Variants in CFDP1 observed in about 807,000 individuals in gnomAD.
CFDP1 encodes the protein chromatin remodeling protein CFDP1.
In CFDP1, 31 loss-of-function variants were observed where a neutral mutation model predicts 40.1. That is an observed-to-expected ratio of 0.77 (90% CI 0.58 to 1.04). The LOEUF (loss-of-function observed/expected upper bound fraction) is 1.04. Among genes scored for constraint, CFDP1 ranks in the 50% least tolerant of loss-of-function variants. CFDP1 has a pLI of 0.00. For missense variants in CFDP1, 423 were observed against 343.4 expected (o/e 1.23, Z -1.83); for synonymous variants, 167 against 120.0 (o/e 1.39, Z -2.56).
intron 5 of CFDP1, among the ~76,000 whole-genome samples, chr16:75,335,939 G>A (rs575231711): frequency 1.3e-5 from 2 of 152,034 alleles, no homozygotes; most frequent in African/African-American, 4.8e-5. Flanking sequence ...ATATAGTAGC[G>A]GTTCGACCTA....
intron 5 of CFDP1, among the ~76,000 whole-genome samples, chr16:75,349,736 T>C (rs1439460398): frequency 7.5e-6 from 1 of 133,466 alleles, no homozygotes; most frequent in Non-Finnish European, 1.5e-5. Context: ...ATATTGATCT[T>C]GTATCTTGTA....
chr16:75,379,103 T>C (rs147763037), intron 5 of CFDP1, among the ~76,000 whole-genome samples: 170 of 151,284 alleles, frequency 1.1e-3, no homozygotes, highest in Non-Finnish European at 1.7e-3. Context: ...GTGAGGGAAA[T>C]GTGTAGTAAG....
rs1329073243 is a variant in CFDP1 at position 75,396,452 on chromosome 16, T to C, written c.531-1243A>G. On this transcript the variant is annotated intron_variant, in intron 4 of 6. Transcript: ENST00000283882. ...TACTAGGGAGGCTGAGGCAGGAGAA[T>C]TGCCTGAACCCAGGAGGTGGAGGTT... Among the ~76,000 whole-genome samples, 2 of 103,060 alleles carry C rather than the reference T, an allele frequency of 1.9e-5. 1 individual carries two copies. Among genetic ancestry groups the C allele is most frequent in the Non-Finnish European group, 4.6e-5 (2 of 43,096 alleles). The allele number at this position is 103,060 out of a possible 152,430, so 67.6% of individuals were successfully genotyped here. A position where few individuals can be genotyped will look rare whatever the true frequency, so the allele number is the denominator to read the frequency against.
chr16:75,328,430 C>CAA (rs147289771), intron 5 of CFDP1, among the ~76,000 whole-genome samples: 76 of 135,654 alleles, frequency 5.6e-4, no homozygotes, highest in South Asian at 2.7e-3. Flanking sequence ...TCGAAAAATA[C>CAA]AAAAAAAAAA....
intron 5 of CFDP1, among the ~76,000 whole-genome samples, chr16:75,379,043 G>A (rs761402850): frequency 3.3e-5 from 5 of 151,514 alleles, no homozygotes; most frequent in Admixed American, 6.6e-5. Flanking sequence ...AATAATGAAC[G>A]GAATAAAATC....
rs1351448595 is a variant in CFDP1, at chr16:75,422,452, T to A, written c.65-7757A>T. Reference sequence around the variant, plus strand: ...TCTCGCTCTGTTGCCCAAGCTAGAGTGCAGTGGCATGATCTTGGCTCACTA... The same window carrying A: ...TCTCGCTCTGTTGCCCAAGCTAGAGAGCAGTGGCATGATCTTGGCTCACTA... On this transcript the variant is annotated intron_variant, in intron 1 of 6. Transcript: ENST00000283882. Among the ~76,000 whole-genome samples, 12 of 144,340 alleles carry A rather than the reference T, an allele frequency of 8.3e-5. No homozygotes were observed. In the East Asian group the frequency reaches 2.0e-3, roughly 24 times the overall value. 94.7% of individuals were successfully genotyped at this position (144,340 alleles called of 152,430 possible). A position where few individuals can be genotyped will look rare whatever the true frequency, so the allele number is the denominator to read the frequency against.
chr16:75,384,250 G>A (rs556210034), intron 5 of CFDP1, among the ~76,000 whole-genome samples: 2 of 152,182 alleles, frequency 1.3e-5, no homozygotes, highest in Admixed American at 1.3e-4. Flanking sequence ...CCAGCTACTT[G>A]GGAGGCTAAG....
chr16:75,426,167 A>G (rs2079341010), intron 1 of CFDP1, among the ~76,000 whole-genome samples: 1 of 151,214 alleles, frequency 6.6e-6, no homozygotes, highest in South Asian at 2.1e-4. Context: ...CCTGACCAAC[A>G]TGGAGAAACC....
Position 75,301,536 on chromosome 16 carries a change from C to CTTTTTTTTTTTTTTT in CFDP1, c.809+3473_809+3487dup, listed in dbSNP as rs546724752. On this transcript the variant is annotated intron_variant, in intron 6 of 6. Transcript: ENST00000283882. ...TCTCAACATTAGAGTTTTGTTGTGT[C>CTTTTTTTTTTTTTTT]TTTTTTTTTTTTTTTTTTTTTTTTT... Among the ~76,000 whole-genome samples, 9 of 53,966 alleles carry CTTTTTTTTTTTTTTT rather than the reference C, an allele frequency of 1.7e-4. 1 individual carries two copies. The highest frequency in any genetic ancestry group is 3.4e-4 in the African/African-American group (5 of 14,506). 35.4% of individuals were successfully genotyped at this position (53,966 alleles called of 152,430 possible). A position where few individuals can be genotyped will look rare whatever the true frequency, so the allele number is the denominator to read the frequency against.
At chr16:75,316,089 C>G (rs1488247502) in intron 5 of CFDP1, among the ~76,000 whole-genome samples, 1 of 144,378 alleles carries the variant, frequency 6.9e-6, no homozygotes, top group Non-Finnish European at 1.5e-5. Flanking sequence ...TGACTAGATT[C>G]AGGTTAAATA....
chr16:75,408,664 C>A (rs936555470), intron 4 of CFDP1, among the ~76,000 whole-genome samples: 2 of 151,536 alleles, frequency 1.3e-5, no homozygotes, highest in African/African-American at 4.9e-5. Context: ...TAATCCCAGC[C>A]ACTCGGGAGC....
Position 75,412,601 on chromosome 16 carries a change from T to C in CFDP1, c.336A>G (p.Glu112=). Residue 112 remains glutamate (E), a synonymous_variant, in exon 3 of 7, where the codon GAA becomes GAG. Coordinates refer to ENST00000283882, the MANE Select transcript of CFDP1 (RefSeq NM_006324.3). The part of the protein sequence containing the change: ...SEDARKKKED[E]LWASFLNDVG... ...CATCATTGAGGAAGCTGGCCCAGAG[T>C]TCGTCCTCCTTCTTTTTCCTGGCAT... 3.1e-6 allele frequency: 5 copies of C among 1,614,124 alleles called. No individual in the cohort carries two copies. The highest frequency in any genetic ancestry group is 4.2e-6 in the Non-Finnish European group (5 of 1,180,016).
At chr16:75,426,114 G>A (rs1449956397) in intron 1 of CFDP1, among the ~76,000 whole-genome samples, 2 of 150,350 alleles carry the variant, frequency 1.3e-5, no homozygotes, top group African/African-American at 4.9e-5. Context: ...ACTTTGGGAG[G>A]CCGAGGTGGG....
intron 6 of CFDP1, among the ~76,000 whole-genome samples, chr16:75,298,520 G>C (rs2078199942): frequency 6.6e-6 from 1 of 152,210 alleles, no homozygotes; most frequent in African/African-American, 2.4e-5. Context: ...CCCCAAGTGA[G>C]CATTCAAGGC....
At chr16:75,404,365 G>A (rs937894112) in intron 4 of CFDP1, among the ~76,000 whole-genome samples, 3 of 150,840 alleles carry the variant, frequency 2.0e-5, no homozygotes, top group Middle Eastern at 3.5e-3. Context: ...CCTCCTACAG[G>A]CACCCGCCAC....
chr16:75,336,365 G>C (rs3851733), intron 5 of CFDP1, among the ~76,000 whole-genome samples: 76,390 of 152,088 alleles, frequency 0.5, 20,519 homozygotes, highest in Admixed American at 0.64. Context: ...AGGCCTCTCT[G>C]AGAAGGGACA....
chr16:75,317,140 C>T (rs995580805), intron 5 of CFDP1, among the ~76,000 whole-genome samples: 2 of 152,196 alleles, frequency 1.3e-5, no homozygotes, highest in African/African-American at 4.8e-5. Flanking sequence ...TGGAGGCCCT[C>T]GCCTAGATGA....
chr16:75,433,442 C>A lies in CFDP1; in HGVS notation c.-90G>T. ...CTAGGGAGAGACCATAGAGCCCCGGCGGCGGCGACGGCAGCTAGGGCGGCC... is the reference window on the plus strand; with the variant it reads ...CTAGGGAGAGACCATAGAGCCCCGGAGGCGGCGACGGCAGCTAGGGCGGCC... On this transcript the variant is annotated 5_prime_UTR_variant, in exon 1 of 7. Transcript: ENST00000283882. 1 of 1,301,198 alleles carries A rather than the reference C, an allele frequency of 7.7e-7. No individual in the cohort carries two copies. Among genetic ancestry groups the A allele is most frequent in the Non-Finnish European group, 1.1e-6 (1 of 934,228 alleles). The allele number at this position is 1,301,198 out of a possible 1,614,324, so 80.6% of individuals were successfully genotyped here.
chr16:75,333,269 G>A (rs543883330), intron 5 of CFDP1, among the ~76,000 whole-genome samples: 87 of 152,038 alleles, frequency 5.7e-4, no homozygotes, highest in African/African-American at 1.9e-3. Context: ...GACTACAGGC[G>A]CACGCCGCCA....
Sources: allele counts gnomAD v4.1 joint callset (sites outside exome capture counted in the v4.1 genomes callset), GRCh38; gene constraint gnomAD v4.1.1; transcripts MANE v1.5; gene names NCBI Gene and HGNC (gene_info 2026-07-23, HGNC 2026-07-21).